Variants in EYA2 observed in about 807,000 individuals in gnomAD.
EYA2 encodes the protein EYA transcriptional coactivator and phosphatase 2, also known as protein phosphatase EYA2.
Under a neutral mutation model 69.2 loss-of-function variants are expected in EYA2, and 31 were observed. The ratio of observed to expected loss-of-function variants is 0.45; its 90% CI spans 0.34 to 0.60. The LOEUF (loss-of-function observed/expected upper bound fraction) is 0.60, where lower values mean the gene tolerates loss of function less well. Ranked by LOEUF, EYA2 falls within the 20% of genes least tolerant of loss-of-function variation. EYA2 has a pLI of 0.02. For synonymous variants in EYA2, 257 were observed against 279.4 expected (o/e 0.92, Z 0.80); for missense variants, 622 against 701.2 (o/e 0.89, Z 1.28).
chr20:46,921,568 G>T (rs2146238314), intron 1 of EYA2, among the ~76,000 whole-genome samples: 1 of 152,316 alleles, frequency 6.6e-6, no homozygotes, highest in African/African-American at 2.4e-5. Flanking sequence ...CAGGGTTCAG[G>T]CACAGGAACT....
At chr20:46,987,069 GT>G (rs1473216390) in intron 1 of EYA2, among the ~76,000 whole-genome samples, 2 of 152,188 alleles carry the variant, frequency 1.3e-5, no homozygotes, top group African/African-American at 4.8e-5. Context: ...ACATACAAAA[GT>G]AGGGTACCCA....
chr20:46,898,673 C>T (rs1001867099), intron 1 of EYA2, among the ~76,000 whole-genome samples: 2 of 152,150 alleles, frequency 1.3e-5, no homozygotes, highest in African/African-American at 2.4e-5. Flanking sequence ...CTTTTCTAGT[C>T]GGAGGAGGAT....
intron 1 of EYA2, chr20:46,901,585 T>C (rs2146211556): frequency 6.6e-6 from 1 of 152,306 alleles, no homozygotes; most frequent in Admixed American, 6.5e-5. Flanking sequence ...AAGAGGTTAT[T>C]TTCTTTTGTG....
At chr20:47,156,636 A>G (rs1156308556) in intron 10 of EYA2, among the ~76,000 whole-genome samples, 1 of 151,790 alleles carries the variant, frequency 6.6e-6, no homozygotes, top group African/African-American at 2.4e-5. Flanking sequence ...TTAACACTGA[A>G]CTCTCTCCAA....
intron 9 of EYA2, among the ~76,000 whole-genome samples, chr20:47,111,501 G>A (rs1254140962): frequency 6.6e-6 from 1 of 152,138 alleles, no homozygotes. Flanking sequence ...CTGCTCCATG[G>A]GGTCTCTCAT....
intron 8 of EYA2, among the ~76,000 whole-genome samples, chr20:47,090,280 C>G (rs934137309): frequency 7.4e-5 from 11 of 148,626 alleles, no homozygotes; most frequent in African/African-American, 2.7e-4. Flanking sequence ...TCCCCCATCA[C>G]CCAGGCTGGA....
At chr20:46,947,055 C>T (rs907033630) in intron 1 of EYA2, among the ~76,000 whole-genome samples, 3 of 152,292 alleles carry the variant, frequency 2.0e-5, no homozygotes, top group East Asian at 3.9e-4. Context: ...TGAGAAGTGG[C>T]GTCAGAGACC....
At chr20:46,902,215 C>G (rs78629529) in intron 1 of EYA2, among the ~76,000 whole-genome samples, 7 of 152,100 alleles carry the variant, frequency 4.6e-5, no homozygotes, top group Non-Finnish European at 8.8e-5. Flanking sequence ...CTTCCTGTAG[C>G]CTTGCTGTCA....
chr20:46,987,916 GTC>G (rs1555809755), intron 1 of EYA2, among the ~76,000 whole-genome samples: 437 of 20,346 alleles, frequency 0.021, 135 homozygotes, highest in South Asian at 0.041. Context: ...GACAGAGTAA[GTC>G]TCTCTCTCTC....
At chr20:47,010,476 T>C (rs538325530) in intron 4 of EYA2, among the ~76,000 whole-genome samples, 2 of 152,164 alleles carry the variant, frequency 1.3e-5, no homozygotes, top group South Asian at 4.1e-4. Flanking sequence ...GTGCTGAGTC[T>C]CAAGAACTAC....
intron 7 of EYA2, 103 bp from the exon 8 acceptor site, chr20:47,089,136 G>A (rs1376210799): frequency 1.4e-6 from 2 of 1,397,096 alleles, no homozygotes; most frequent in Admixed American, 2.1e-5. Flanking sequence ...GTGCTGCCTT[G>A]GAACCCACTG....
At chr20:47,021,491 G>A (rs1012053645) in intron 5 of EYA2, among the ~76,000 whole-genome samples, 1 of 152,066 alleles carries the variant, frequency 6.6e-6, no homozygotes, top group Non-Finnish European at 1.5e-5. Flanking sequence ...GCCGGGTGTG[G>A]TGGCACACAC....
chr20:46,970,426 G>A (rs1345979314), intron 1 of EYA2, among the ~76,000 whole-genome samples: 1 of 152,030 alleles, frequency 6.6e-6, no homozygotes, highest in Non-Finnish European at 1.5e-5. Flanking sequence ...TCGGGGAGAG[G>A]GCAGCTACTG....
chr20:47,021,453 C>A (rs1362129598), intron 5 of EYA2, among the ~76,000 whole-genome samples: 1 of 151,928 alleles, frequency 6.6e-6, no homozygotes, highest in Non-Finnish European at 1.5e-5. Flanking sequence ...ATGGCAAAAC[C>A]CCATCTCTAC....
intron 7 of EYA2, among the ~76,000 whole-genome samples, chr20:47,087,330 G>A (rs1193573736): frequency 6.6e-6 from 1 of 152,200 alleles, no homozygotes; most frequent in Non-Finnish European, 1.5e-5. Context: ...CAGGAAGGAT[G>A]GGGTCTGTGT....
chr20:46,919,326 A>G (rs1024020867), intron 1 of EYA2, among the ~76,000 whole-genome samples: 6 of 152,240 alleles, frequency 3.9e-5, no homozygotes, highest in African/African-American at 9.6e-5. Context: ...TCTTCTTCCA[A>G]TCGAATGCTG....
Position 47,009,746 on chromosome 20 carries a change from A to G in EYA2, c.298+4662A>G, listed in dbSNP as rs1982945157. 2.0e-5 allele frequency among the ~76,000 whole-genome samples: 3 copies of G among 152,254 alleles called. No homozygotes were observed. In the South Asian group the frequency reaches 6.2e-4, roughly 32 times the overall value. On this transcript the variant is annotated intron_variant, in intron 4 of 15. Coordinates refer to ENST00000327619, the MANE Select transcript of EYA2 (RefSeq NM_005244.5). ...GTAGCATGAAAGCAGCCATAGACAAAGCATAAACGAATGGGCTGTCTATGT... is the reference window on the plus strand; with the variant it reads ...GTAGCATGAAAGCAGCCATAGACAAGGCATAAACGAATGGGCTGTCTATGT...
At chr20:47,049,738 C>T (rs985646836) in intron 5 of EYA2, among the ~76,000 whole-genome samples, 1 of 152,114 alleles carries the variant, frequency 6.6e-6, no homozygotes, top group Non-Finnish European at 1.5e-5. Flanking sequence ...CCAATTCAAC[C>T]TCTTTGCTTT....
chr20:47,122,731 C>A (rs1293096948), intron 9 of EYA2, among the ~76,000 whole-genome samples: 1 of 152,074 alleles, frequency 6.6e-6, no homozygotes, highest in Non-Finnish European at 1.5e-5. Context: ...CAAATCTGCT[C>A]CCTCCCCACT....
Sources: gnomAD v4.1 joint callset for allele counts (sites outside exome capture counted in the v4.1 genomes callset) on GRCh38, gnomAD v4.1.1 for gene constraint, MANE v1.5 for transcripts, NCBI Gene and HGNC (gene_info 2026-07-23, HGNC 2026-07-21) for gene names.